KATNAL1: variants seen among roughly 807,000 people sequenced by gnomAD.
KATNAL1 encodes the protein katanin catalytic subunit A1 like 1.
Under a neutral mutation model 55.2 loss-of-function variants are expected in KATNAL1, and 32 were observed. That is an observed-to-expected ratio of 0.58 (90% CI 0.44 to 0.78). The LOEUF (loss-of-function observed/expected upper bound fraction) is 0.78. Ranked by LOEUF, KATNAL1 falls within the 30% of genes least tolerant of loss-of-function variation. KATNAL1 has a pLI of 0.00. For synonymous variants in KATNAL1, 193 were observed against 193.6 expected (o/e 1.00, Z 0.02); for missense variants, 466 against 600.9 (o/e 0.78, Z 2.35).
At position 30,283,625 on chromosome 13, in the gene KATNAL1, T is replaced by C. The variant is rs933569950; in HGVS notation, c.153A>G (p.Lys51=). The C allele has an allele frequency of 1.9e-6, 3 of 1,613,686 alleles. No homozygotes were observed. Among genetic ancestry groups the C allele is most frequent in the Non-Finnish European group, 2.5e-6 (3 of 1,179,826 alleles). Reference sequence around the variant, plus strand: ...TTTAATACCATCTTACCTGTTGCCATTTGCCTTTGATAGCTGGATCTCTGA... The same window carrying C: ...TTTAATACCATCTTACCTGTTGCCACTTGCCTTTGATAGCTGGATCTCTGA... ...QSVRDPAIKG[K]WQQVRQELLE... The change falls in exon 2 of 11, where the codon AAA becomes AAG. Residue 51 remains lysine, a synonymous_variant. Transcript: ENST00000380615.
intron 4 of KATNAL1, among the ~76,000 whole-genome samples, chr13:30,247,635 C>T (rs1877917943): frequency 6.6e-6 from 1 of 152,082 alleles, no homozygotes. Context: ...TGAGGAACAA[C>T]ACAGAAACCA....
At chr13:30,252,801 G>A (rs1878443676) in intron 4 of KATNAL1, among the ~76,000 whole-genome samples, 1 of 150,808 alleles carries the variant, frequency 6.6e-6, no homozygotes, top group Non-Finnish European at 1.5e-5. Flanking sequence ...GGAGTGCAGT[G>A]GCTGGATCTC....
chr13:30,303,083 T>A (rs1011826853), intron 1 of KATNAL1, among the ~76,000 whole-genome samples: 8 of 152,256 alleles, frequency 5.3e-5, no homozygotes, highest in African/African-American at 1.9e-4. Context: ...CACTTTTTAA[T>A]AGGCTGCCTA....
intron 4 of KATNAL1, among the ~76,000 whole-genome samples, chr13:30,244,452 T>C (rs901329252): frequency 3.3e-5 from 5 of 152,206 alleles, no homozygotes; most frequent in African/African-American, 1.2e-4. Flanking sequence ...GTAATGGGAT[T>C]GCTGGATCAA....
intron 1 of KATNAL1, among the ~76,000 whole-genome samples, chr13:30,303,958 C>G (rs538827310): frequency 6.6e-6 from 1 of 152,332 alleles, no homozygotes; most frequent in East Asian, 1.9e-4. Context: ...AGTCCTGCCA[C>G]ACTGTTAGTA....
intron 2 of KATNAL1, 21 bp downstream of exon 2, chr13:30,283,595 A>C: frequency 6.2e-7 from 1 of 1,610,774 alleles, no homozygotes; most frequent in Non-Finnish European, 8.5e-7. Context: ...TAACTCATCT[A>C]ATACTTTAAT....
chr13:30,293,989 C>T (rs1882308444), intron 1 of KATNAL1, among the ~76,000 whole-genome samples: 1 of 152,088 alleles, frequency 6.6e-6, no homozygotes, highest in African/African-American at 2.4e-5. Flanking sequence ...CAAACCATGC[C>T]CTATAGCAAG....
chr13:30,231,176 C>T, intron 7 of KATNAL1, 138 bp downstream of exon 7: 1 of 582,008 alleles, frequency 1.7e-6, no homozygotes, highest in South Asian at 4.6e-5. Context: ...CACCCCAATT[C>T]TCATCAGTGT....
chr13:30,264,231 TG>T (rs1458441396), intron 3 of KATNAL1, among the ~76,000 whole-genome samples: 1 of 149,376 alleles, frequency 6.7e-6, no homozygotes, highest in Admixed American at 6.7e-5. Context: ...TAATTCAAGA[TG>T]GATTAAAGAC....
At chr13:30,279,004 T>C (rs1404190174) in intron 3 of KATNAL1, among the ~76,000 whole-genome samples, 1 of 152,214 alleles carries the variant, frequency 6.6e-6, no homozygotes, top group African/African-American at 2.4e-5. Context: ...TCCAAAGGAA[T>C]AAATTAAATG....
chr13:30,290,618 C>A (rs1882072346), intron 1 of KATNAL1, among the ~76,000 whole-genome samples: 1 of 151,942 alleles, frequency 6.6e-6, no homozygotes, highest in Non-Finnish European at 1.5e-5. Context: ...TAGCCTTACA[C>A]CAAAATCAGA....
intron 1 of KATNAL1, among the ~76,000 whole-genome samples, chr13:30,300,196 T>G (rs1164145288): frequency 6.6e-6 from 1 of 152,236 alleles, no homozygotes; most frequent in African/African-American, 2.4e-5. Flanking sequence ...AAAACATTTT[T>G]TAAACTAATT....
Position 30,205,068 on chromosome 13 carries a change from A to C in KATNAL1, c.*3472T>G, listed in dbSNP as rs1566077459. 1 of 152,260 alleles carries C rather than the reference A, an allele frequency of 6.6e-6. No homozygotes were observed. The highest frequency in any genetic ancestry group is 1.5e-5 in the Non-Finnish European group (1 of 68,044). The allele number at this position is 152,260 out of a possible 1,614,324, so 9.4% of individuals were successfully genotyped here. ...ACAGGCAGCTTGGGAAATGGTAAAA[A>C]TTGTTCATTAAAATAGATCCATAAT... On this transcript the variant is annotated 3_prime_UTR_variant, in exon 11 of 11. Coordinates refer to ENST00000380615, the MANE Select transcript of KATNAL1 (RefSeq NM_032116.5).
chr13:30,255,722 G>A (rs543374885), intron 3 of KATNAL1, 107 bp from the exon 4 acceptor site: 26 of 1,110,360 alleles, frequency 2.3e-5, no homozygotes, highest in Middle Eastern at 3.4e-4. Context: ...CAAAAAGCCC[G>A]AAAGCTAATT....
intron 2 of KATNAL1, among the ~76,000 whole-genome samples, chr13:30,282,865 G>A (rs1330140086): frequency 1.3e-5 from 2 of 148,270 alleles, no homozygotes; most frequent in African/African-American, 5.0e-5. Context: ...TGAGGCAGGA[G>A]AATGGCGTGA....
At chr13:30,217,027 G>A (rs1396205133) in intron 9 of KATNAL1, among the ~76,000 whole-genome samples, 1 of 150,552 alleles carries the variant, frequency 6.6e-6, no homozygotes, top group East Asian at 2.0e-4. Context: ...TAGTGGTACT[G>A]AAGCTTAGCA....
At chr13:30,241,112 A>G (rs1877234178) in intron 4 of KATNAL1, 26 bp from the exon 5 acceptor site, 2 of 1,600,310 alleles carry the variant, frequency 1.2e-6, no homozygotes, top group Non-Finnish European at 1.7e-6. Context: ...AAAAAAAAGT[A>G]CTAGTCAGTA....
intron 4 of KATNAL1, among the ~76,000 whole-genome samples, chr13:30,241,695 A>G (rs9550539): frequency 0.18 from 28,058 of 152,142 alleles, 2,990 homozygotes; most frequent in East Asian, 0.33. Flanking sequence ...GAGTAAAAAC[A>G]AAACAAGAAA....
rs146663971 is a variant in KATNAL1 at position 30,260,539 on chromosome 13, C to A, written c.324-4924G>T. Among the ~76,000 whole-genome samples the A allele has an allele frequency of 3.3e-5, 5 of 152,250 alleles. No individual in the cohort carries two copies. The East Asian group carries it at 9.6e-4, about 29-fold the overall frequency. The stretch of plus-strand genomic sequence containing the variant: ...GAAGTGCTTAAAGGAACTGATGGAG[C>A]TGAAAACCAAGGCTCGAGAACTACG... On this transcript the variant is annotated intron_variant, in intron 3 of 10. Coordinates refer to ENST00000380615, the MANE Select transcript of KATNAL1 (RefSeq NM_032116.5).
Sources: gnomAD v4.1 joint callset for allele counts (sites outside exome capture counted in the v4.1 genomes callset) on GRCh38, gnomAD v4.1.1 for gene constraint, MANE v1.5 for transcripts, NCBI Gene and HGNC (gene_info 2026-07-23, HGNC 2026-07-21) for gene names.